STMN1: variants seen among roughly 807,000 people sequenced by gnomAD.
STMN1 encodes the protein stathmin.
In STMN1, 3 loss-of-function variants were observed where a neutral mutation model predicts 19.7. The ratio of observed to expected loss-of-function variants is 0.15; its 90% CI spans 0.07 to 0.39. STMN1 has a LOEUF of 0.39. STMN1 is among the 10% of genes least tolerant of loss of function. STMN1 has a pLI of 1.00. For missense variants in STMN1, 99 were observed against 176.0 expected (o/e 0.56, Z 2.48); for synonymous variants, 59 against 58.9 (o/e 1.00, Z -0.01).
chr1:25,891,825 G>C (rs994278389), intron 4 of STMN1, among the ~76,000 whole-genome samples: 2 of 152,136 alleles, frequency 1.3e-5, no homozygotes, highest in African/African-American at 4.8e-5. Context: ...CACACAATGA[G>C]GGGGAAATGG....
intron 4 of STMN1, among the ~76,000 whole-genome samples, chr1:25,890,626 C>A (rs1341821020): frequency 5.3e-5 from 8 of 152,132 alleles, no homozygotes; most frequent in Non-Finnish European, 7.4e-5. Flanking sequence ...GCAAGCAGCC[C>A]CAGCTTCTCG....
chr1:25,893,594 G>A (rs1244147175), intron 4 of STMN1, among the ~76,000 whole-genome samples: 22 of 152,204 alleles, frequency 1.4e-4, no homozygotes, highest in Non-Finnish European at 3.2e-4. Flanking sequence ...AGGCTGGACT[G>A]CGATGGTGTG....
intron 4 of STMN1, among the ~76,000 whole-genome samples, chr1:25,886,863 G>A (rs1197758634): frequency 6.6e-6 from 1 of 152,004 alleles, no homozygotes; most frequent in East Asian, 1.9e-4. Flanking sequence ...TGGGATTACA[G>A]GCATGAGCCA....
downstream of STMN1, among the ~76,000 whole-genome samples, chr1:25,898,708 C>T (rs934673065): frequency 6.6e-6 from 1 of 152,252 alleles, no homozygotes; most frequent in Non-Finnish European, 1.5e-5. Flanking sequence ...TTGGTGACAG[C>T]CCCAACTGCT....
intron 4 of STMN1, among the ~76,000 whole-genome samples, chr1:25,893,021 T>C (rs964408996): frequency 6.6e-6 from 1 of 152,172 alleles, no homozygotes; most frequent in African/African-American, 2.4e-5. Context: ...ATATATACTA[T>C]ATAATACTAG....
Position 25,904,684 on chromosome 1 carries a change from A to T in STMN1, c.-8T>A. 1 of 1,613,980 alleles carries T rather than the reference A, an allele frequency of 6.2e-7. No homozygotes were observed. Among genetic ancestry groups the T allele is most frequent in the East Asian group, 2.2e-5 (1 of 44,872 alleles). The stretch of plus-strand genomic sequence containing the variant: ...CCTACCAGAAGAAGCCATGGTGAAT[A>T]GAAGACAAGCGACAGGCAGTGTATT... On this transcript the variant is annotated 5_prime_UTR_variant, in exon 2 of 5. Coordinates refer to ENST00000455785, the MANE Select transcript of STMN1 (RefSeq NM_005563.4).
chr1:25,900,312 C>CA lies in STMN1; in HGVS notation c.*703dup. On this transcript the variant is annotated 3_prime_UTR_variant, in exon 5 of 5. Coordinates refer to ENST00000455785, the MANE Select transcript of STMN1 (RefSeq NM_005563.4). ...TCTGCCTTTTAAAAGGGACACAGAACAAAAAATGGTTGTTTGCAAATAAAC... is the reference window on the plus strand; with the variant it reads ...TCTGCCTTTTAAAAGGGACACAGAACAAAAAAATGGTTGTTTGCAAATAAAC... 1 of 985,728 alleles carries CA rather than the reference C, an allele frequency of 1.0e-6. No homozygotes were observed. The highest frequency in any genetic ancestry group is 6.1e-5 in the Admixed American group (1 of 16,268). The allele number at this position is 985,728 out of a possible 1,614,324, so 61.1% of individuals were successfully genotyped here.
intron 4 of STMN1, among the ~76,000 whole-genome samples, chr1:25,889,401 G>A (rs2124225257): frequency 6.6e-6 from 1 of 152,264 alleles, no homozygotes; most frequent in South Asian, 2.1e-4. Context: ...CTGCCATGAT[G>A]GCCAAATGAA....
At chr1:25,885,721 A>C in exon 5 of STMN1, 1 of 1,549,910 alleles carries the variant, frequency 6.5e-7, no homozygotes, top group Non-Finnish European at 8.7e-7. Context: ...TTTATTAAGT[A>C]CCTAGTGATG....
chr1:25,900,796 A>T lies in STMN1; in HGVS notation c.*220T>A. The T allele has an allele frequency of 1.5e-6, 2 of 1,361,870 alleles. No homozygotes were observed. Among genetic ancestry groups the T allele is most frequent in the Non-Finnish European group, 1.9e-6 (2 of 1,060,024 alleles). The allele number at this position is 1,361,870 out of a possible 1,614,324, so 84.4% of individuals were successfully genotyped here. On this transcript the variant is annotated 3_prime_UTR_variant, in exon 5 of 5. Coordinates refer to ENST00000455785, the MANE Select transcript of STMN1 (RefSeq NM_005563.4). ...AAGATGCAACAAGAAAAATAGCTACATTAGAAAGACCAACACTTTAGAAAA... is the reference window on the plus strand; with the variant it reads ...AAGATGCAACAAGAAAAATAGCTACTTTAGAAAGACCAACACTTTAGAAAA...
intron 4 of STMN1, chr1:25,887,449 G>A (rs115789164): frequency 7.7e-6 from 3 of 387,316 alleles, no homozygotes; most frequent in African/African-American, 4.4e-5. Context: ...GGAGTACAAG[G>A]GCTATCTGGC....
chr1:25,899,471 C>T (rs1210952201), downstream of STMN1, among the ~76,000 whole-genome samples: 1 of 152,232 alleles, frequency 6.6e-6, no homozygotes, highest in East Asian at 1.9e-4. Context: ...TATACTTGCA[C>T]TTGCTCCTAT....
chr1:25,897,006 G>C (rs910952012), downstream of STMN1, among the ~76,000 whole-genome samples: 1 of 152,198 alleles, frequency 6.6e-6, no homozygotes, highest in African/African-American at 2.4e-5. Context: ...TCCAAAGGGG[G>C]AAGCTTTTCT....
chr1:25,888,561 C>T (rs1419026269), intron 4 of STMN1, among the ~76,000 whole-genome samples: 1 of 152,154 alleles, frequency 6.6e-6, no homozygotes, highest in African/African-American at 2.4e-5. Flanking sequence ...CCTAGACCCA[C>T]GTCCCTCCTC....
intron 4 of STMN1, among the ~76,000 whole-genome samples, chr1:25,886,267 A>G (rs1221632064): frequency 3.3e-5 from 5 of 152,200 alleles, no homozygotes; most frequent in Non-Finnish European, 7.3e-5. Flanking sequence ...GGCAGAGGGA[A>G]GGAATGGAAG....
chr1:25,898,043 C>A (rs2048834927), downstream of STMN1, among the ~76,000 whole-genome samples: 1 of 152,170 alleles, frequency 6.6e-6, no homozygotes, highest in Admixed American at 6.5e-5. Context: ...GGCAGCCACT[C>A]TCCAGTCAAC....
intron 4 of STMN1, chr1:25,892,626 C>T: frequency 1.0e-6 from 1 of 984,252 alleles, no homozygotes; most frequent in Non-Finnish European, 1.2e-6. Context: ...AAACAACCGC[C>T]TCCCTACACT....
At chr1:25,901,398 C>T (rs2048872495) in intron 4 of STMN1, 93 bp downstream of exon 4, 1 of 1,428,564 alleles carries the variant, frequency 7.0e-7, no homozygotes, top group Non-Finnish European at 9.5e-7. Flanking sequence ...GACAAAAAGA[C>T]ACCAAACACC....
At chr1:25,901,174 A>G (rs2048869148) in intron 4 of STMN1, 87 bp from the exon 5 acceptor site, 3 of 1,561,304 alleles carry the variant, frequency 1.9e-6, no homozygotes, top group East Asian at 2.2e-5. Flanking sequence ...CCCCACCTCA[A>G]AGAGGCCCAA....
Sources: gnomAD v4.1 joint callset for allele counts (sites outside exome capture counted in the v4.1 genomes callset) on GRCh38, gnomAD v4.1.1 for gene constraint, MANE v1.5 for transcripts, NCBI Gene and HGNC (gene_info 2026-07-23, HGNC 2026-07-21) for gene names.